The following DPY19L1 variants were observed in gnomAD, a reference collection of about 807,000 sequenced individuals.
The protein encoded by DPY19L1 is dpy-19 like C-mannosyltransferase 1.
In DPY19L1, 35 loss-of-function variants were observed where a neutral mutation model predicts 96.9. That is an observed-to-expected ratio of 0.36 (90% CI 0.28 to 0.48). The LOEUF is 0.48. Ranked by LOEUF, DPY19L1 falls within the 20% of genes least tolerant of loss-of-function variation. The pLI, the probability that DPY19L1 is intolerant of heterozygous loss-of-function variation, is 0.99. For synonymous variants in DPY19L1, 205 were observed against 252.6 expected (o/e 0.81, Z 1.79); for missense variants, 521 against 777.9 (o/e 0.67, Z 3.93).
chr7:35,025,278 T>C (rs939777448), intron 1 of DPY19L1, among the ~76,000 whole-genome samples: 2 of 152,188 alleles, frequency 1.3e-5, no homozygotes, highest in African/African-American at 4.8e-5. Flanking sequence ...GCCTATTAGA[T>C]GCACAACACG....
At chr7:34,970,728 A>G (rs961690202) in intron 8 of DPY19L1, among the ~76,000 whole-genome samples, 1 of 152,134 alleles carries the variant, frequency 6.6e-6, no homozygotes, top group Non-Finnish European at 1.5e-5. Context: ...TGGCAGTTGG[A>G]TAAAGAATGC....
intron 9 of DPY19L1, 48 bp downstream of exon 9, chr7:34,969,385 T>TA (rs752433928): frequency 9.2e-7 from 1 of 1,087,700 alleles, no homozygotes. Flanking sequence ...TGAGCTCACA[T>TA]AGTCAAACAT....
intron 6 of DPY19L1, among the ~76,000 whole-genome samples, chr7:35,001,367 TATTA>T (rs1460524799): frequency 2.6e-5 from 4 of 152,068 alleles, no homozygotes; most frequent in African/African-American, 7.2e-5. Context: ...AATATTTTAT[TATTA>T]ATTAATTTAT....
At chr7:35,012,057 T>C (rs1785723835) in intron 4 of DPY19L1, among the ~76,000 whole-genome samples, 1 of 152,238 alleles carries the variant, frequency 6.6e-6, no homozygotes. Context: ...GTTAGAAGAC[T>C]GGTGCCTGAA....
chr7:35,036,834 T>C (rs796417227), intron 1 of DPY19L1, among the ~76,000 whole-genome samples: 1 of 151,134 alleles, frequency 6.6e-6, no homozygotes, highest in South Asian at 2.1e-4. Flanking sequence ...CAGCTGTTGA[T>C]CCCCGGGCCA....
chr7:35,023,089 A>T (rs962780499), intron 1 of DPY19L1, among the ~76,000 whole-genome samples: 11 of 152,048 alleles, frequency 7.2e-5, no homozygotes, highest in Non-Finnish European at 1.6e-4. Context: ...CCAGGCCCCC[A>T]TGTCTGGCCG....
intron 14 of DPY19L1, 106 bp from the exon 15 acceptor site, chr7:34,947,807 A>T (rs1784183025): frequency 1.1e-6 from 1 of 881,510 alleles, no homozygotes; most frequent in African/African-American, 1.7e-5. Flanking sequence ...AAATATGAAC[A>T]TTCACCAATC....
intron 4 of DPY19L1, among the ~76,000 whole-genome samples, chr7:35,011,656 G>C (rs972653837): frequency 6.9e-4 from 105 of 152,090 alleles, no homozygotes; most frequent in African/African-American, 2.4e-3. Flanking sequence ...CATGGGTAAG[G>C]ACAAAATATG....
At chr7:35,033,867 G>A (rs1234142366) in intron 1 of DPY19L1, among the ~76,000 whole-genome samples, 1 of 151,952 alleles carries the variant, frequency 6.6e-6, no homozygotes, top group African/African-American at 2.4e-5. Flanking sequence ...CCAAAATCTG[G>A]AGACATTTTC....
At chr7:35,002,221 A>G (rs1785444890) in intron 6 of DPY19L1, among the ~76,000 whole-genome samples, 1 of 151,994 alleles carries the variant, frequency 6.6e-6, no homozygotes, top group South Asian at 2.1e-4. Context: ...GGGTAAAAAC[A>G]TCATTAATAC....
At chr7:34,936,352 C>T (rs1237466750) in intron 21 of DPY19L1, among the ~76,000 whole-genome samples, 1 of 152,086 alleles carries the variant, frequency 6.6e-6, no homozygotes, top group African/African-American at 2.4e-5. Context: ...TTCACATATT[C>T]AAACTCTATG....
At chr7:34,942,489 A>G (rs1212120342) in intron 17 of DPY19L1, 126 bp downstream of exon 17, 10 of 753,540 alleles carry the variant, frequency 1.3e-5, no homozygotes, top group South Asian at 3.2e-5. Context: ...ATAAAAACAC[A>G]TAACAGGCTA....
Position 34,973,611 on chromosome 7 carries a change from A to G in DPY19L1, c.823-6T>C. 7.0e-7 allele frequency: 1 copy of G among 1,426,200 alleles called. No homozygotes were observed. Among genetic ancestry groups the G allele is most frequent in the Non-Finnish European group, 9.2e-7 (1 of 1,084,460 alleles). 88.3% of individuals were successfully genotyped at this position (1,426,200 alleles called of 1,614,324 possible). A position where few individuals can be genotyped will look rare whatever the true frequency, so the allele number is the denominator to read the frequency against. Reference sequence around the variant, plus strand: ...GTCCACATTACACGGGTACACTGAAAAAAAAAATTTGTAGTATAGTATACT... The same window carrying G: ...GTCCACATTACACGGGTACACTGAAGAAAAAAATTTGTAGTATAGTATACT... On this transcript the variant is annotated splice_polypyrimidine_tract_variant and splice_region_variant and intron_variant, in intron 7 of 21. Coordinates refer to ENST00000638088, the MANE Select transcript of DPY19L1 (RefSeq NM_001366673.1).
intron 7 of DPY19L1, among the ~76,000 whole-genome samples, chr7:34,978,964 C>T (rs1784884217): frequency 1.3e-5 from 2 of 152,056 alleles, no homozygotes; most frequent in Admixed American, 1.3e-4. Flanking sequence ...TCAATCTGAA[C>T]TTATAATACA....
intron 6 of DPY19L1, among the ~76,000 whole-genome samples, chr7:34,996,707 T>C (rs1390412540): frequency 1.3e-5 from 2 of 152,058 alleles, no homozygotes; most frequent in Admixed American, 1.3e-4. Context: ...TTCAATGGCA[T>C]CCCTGCCCAC....
At chr7:34,937,506 A>G (rs1010663667) in intron 21 of DPY19L1, among the ~76,000 whole-genome samples, 6 of 152,244 alleles carry the variant, frequency 3.9e-5, no homozygotes, top group African/African-American at 1.4e-4. Context: ...TCAAAGGCAA[A>G]TATGAACAAT....
At chr7:35,030,092 C>T (rs1324666591) in intron 1 of DPY19L1, among the ~76,000 whole-genome samples, 1 of 152,092 alleles carries the variant, frequency 6.6e-6, no homozygotes. Flanking sequence ...CAAAAAACAA[C>T]AACAACTTTT....
chr7:35,006,125 C>T (rs894693934), intron 6 of DPY19L1, among the ~76,000 whole-genome samples: 14 of 152,218 alleles, frequency 9.2e-5, no homozygotes, highest in African/African-American at 3.4e-4. Context: ...GCTTATAAAC[C>T]CTGTTATTGT....
rs1028615770 is a variant in DPY19L1 at position 35,037,217 on chromosome 7, C to T, written c.178G>A (p.Ala60Thr). ...CCGGCGGGCGGCGCGCCGGGCTCGG[C>T]GCGGGGCCCCTTCCTGCCCGCGGCG... is the stretch of plus-strand genomic sequence containing the variant. ...KGAAGRKGPR[A>T]EPGAPPAGGG... is the part of the protein sequence containing the mutation. Residue 60 changes from alanine (A) to threonine (T), a missense_variant, in exon 1 of 22, where the codon GCC (alanine) becomes ACC (threonine). Ala to Thr is a moderately conservative substitution (Grantham distance 58). Transcript: ENST00000638088. The T allele has an allele frequency of 3.2e-5, 5 of 158,216 alleles. No individual in the cohort carries two copies. Among genetic ancestry groups the T allele is most frequent in the African/African-American group, 1.2e-4 (5 of 40,734 alleles). 9.8% of individuals were successfully genotyped at this position (158,216 alleles called of 1,614,324 possible).
Sources: allele counts gnomAD v4.1 joint callset (sites outside exome capture counted in the v4.1 genomes callset), GRCh38; gene constraint gnomAD v4.1.1; transcripts MANE v1.5; gene names NCBI Gene and HGNC (gene_info 2026-07-23, HGNC 2026-07-21).